The following CSNK2A2IP variants were observed in gnomAD, a reference collection of about 807,000 sequenced individuals.
CSNK2A2IP encodes casein kinase 2 subunit alpha' interacting protein.
At chr3:88,453,219 A>C in the CSNK2A2IP span, among the ~76,000 whole-genome samples, 1 of 152,128 alleles carries the variant, frequency 6.6e-6, no homozygotes. Flanking sequence ...AACTTAGTGC[A>C]CTAAGAATTA....
At chr3:88,394,539 A>T in the CSNK2A2IP span, among the ~76,000 whole-genome samples, 1 of 151,958 alleles carries the variant, frequency 6.6e-6, no homozygotes, top group African/African-American at 2.4e-5. Flanking sequence ...CGGCCAGCGA[A>T]TTTTTATATT....
chr3:88,404,623 T>C, the CSNK2A2IP span, among the ~76,000 whole-genome samples: 1 of 122,666 alleles, frequency 8.2e-6, no homozygotes, highest in Non-Finnish European at 1.9e-5. Flanking sequence ...GAAACACGAC[T>C]TTATAACCTA....
chr3:88,349,532 T>C, the CSNK2A2IP span, among the ~76,000 whole-genome samples: 1 of 152,150 alleles, frequency 6.6e-6, no homozygotes, highest in Non-Finnish European at 1.5e-5. Context: ...ATCCATTCAT[T>C]GGTTGATGGG....
chr3:88,353,051 CAAA>C, the CSNK2A2IP span, among the ~76,000 whole-genome samples: 41 of 152,094 alleles, frequency 2.7e-4, no homozygotes, highest in Non-Finnish European at 4.9e-4. Flanking sequence ...AAAATAAGGG[CAAA>C]CTCTCTTGAG....
At chr3:88,442,687 A>G in the CSNK2A2IP span, among the ~76,000 whole-genome samples, 1 of 152,118 alleles carries the variant, frequency 6.6e-6, no homozygotes, top group Non-Finnish European at 1.5e-5. Context: ...TACAGAAGTT[A>G]AATCATCTTC....
At chr3:88,373,727 TA>T in the CSNK2A2IP span, among the ~76,000 whole-genome samples, 1 of 149,954 alleles carries the variant, frequency 6.7e-6, no homozygotes, top group African/African-American at 2.4e-5. Context: ...TTTTCAAAAA[TA>T]AAAAAACTTG....
At chr3:88,372,788 A>T in the CSNK2A2IP span, among the ~76,000 whole-genome samples, 1 of 151,464 alleles carries the variant, frequency 6.6e-6, no homozygotes, top group Admixed American at 6.6e-5. Context: ...GTAAAAAAAT[A>T]GAAAAACCAT....
chr3:88,449,854 C>CAT, the CSNK2A2IP span, among the ~76,000 whole-genome samples: 55 of 84,344 alleles, frequency 6.5e-4, no homozygotes, highest in African/African-American at 9.6e-4. Flanking sequence ...CACACACACA[C>CAT]ATATATATAT....
the CSNK2A2IP span, among the ~76,000 whole-genome samples, chr3:88,391,935 C>G: frequency 6.6e-6 from 1 of 152,202 alleles, no homozygotes; most frequent in Non-Finnish European, 1.5e-5. Flanking sequence ...TGAGTGGTTG[C>G]AGTGAGAATA....
chr3:88,397,250 A>G, the CSNK2A2IP span, among the ~76,000 whole-genome samples: 1 of 152,158 alleles, frequency 6.6e-6, no homozygotes, highest in Admixed American at 6.5e-5. Flanking sequence ...CTTCAAGTGT[A>G]TTTCAGCTAG....
the CSNK2A2IP span, among the ~76,000 whole-genome samples, chr3:88,376,978 T>G: frequency 6.6e-6 from 1 of 151,830 alleles, no homozygotes. Context: ...CTGAATTCTC[T>G]AAATCTCAAT....
the CSNK2A2IP span, among the ~76,000 whole-genome samples, chr3:88,357,102 T>C: frequency 2.2e-4 from 33 of 152,112 alleles, no homozygotes; most frequent in African/African-American, 7.2e-4. Flanking sequence ...TTGTGCAAAA[T>C]CTTTTTAGCT....
the CSNK2A2IP span, among the ~76,000 whole-genome samples, chr3:88,422,028 A>G: frequency 2.6e-5 from 4 of 152,178 alleles, no homozygotes; most frequent in African/African-American, 9.7e-5. Flanking sequence ...AATATTGTCC[A>G]TCTTTTGCTA....
At chr3:88,441,300 C>T in the CSNK2A2IP span, among the ~76,000 whole-genome samples, 1 of 152,096 alleles carries the variant, frequency 6.6e-6, no homozygotes, top group Non-Finnish European at 1.5e-5. Flanking sequence ...AACTTGCCTA[C>T]TCCATATTTC....
At chr3:88,371,328 G>A in the CSNK2A2IP span, among the ~76,000 whole-genome samples, 2 of 151,712 alleles carry the variant, frequency 1.3e-5, no homozygotes, top group Non-Finnish European at 2.9e-5. Flanking sequence ...TTATTGCAGA[G>A]TAAACAGGGA....
chr3:88,459,378 A>T, the CSNK2A2IP span, among the ~76,000 whole-genome samples: 1 of 152,106 alleles, frequency 6.6e-6, no homozygotes, highest in African/African-American at 2.4e-5. Flanking sequence ...TTTGTGACCC[A>T]TACGTATTTA....
chr3:88,451,509 A>G, the CSNK2A2IP span, among the ~76,000 whole-genome samples: 1 of 151,676 alleles, frequency 6.6e-6, no homozygotes, highest in African/African-American at 2.4e-5. Context: ...ACAGCAATGA[A>G]CTCAATAACC....
chr3:88,467,492 T>C, the CSNK2A2IP span: 1 of 398,518 alleles, frequency 2.5e-6, no homozygotes, highest in Non-Finnish European at 4.4e-6. Flanking sequence ...ACAAAGCCTG[T>C]GAGGAACAAC....
chr3:88,401,412 T>C, the CSNK2A2IP span, among the ~76,000 whole-genome samples: 10 of 152,118 alleles, frequency 6.6e-5, no homozygotes, highest in African/African-American at 2.4e-4. Context: ...TGTTAGTTAA[T>C]AGTCTTCAGT....
Sources: gnomAD v4.1 joint callset for allele counts (sites outside exome capture counted in the v4.1 genomes callset) on GRCh38, gnomAD v4.1.1 for gene constraint, MANE v1.5 for transcripts, NCBI Gene and HGNC (gene_info 2026-07-23, HGNC 2026-07-21) for gene names.